The following ZSCAN20 variants were observed in gnomAD, a reference collection of about 807,000 sequenced individuals.
ZSCAN20 encodes zinc finger and SCAN domain-containing protein 20.
Under a neutral mutation model 97.1 loss-of-function variants are expected in ZSCAN20, and 39 were observed. The observed-to-expected ratio is 0.40, with a 90% confidence interval of 0.31 to 0.52. ZSCAN20 has a LOEUF of 0.52. ZSCAN20 is among the 20% of genes least tolerant of loss of function. The pLI, the probability that ZSCAN20 is intolerant of heterozygous loss-of-function variation, is 0.49. For synonymous variants in ZSCAN20, 456 were observed against 467.3 expected (o/e 0.98, Z 0.31); for missense variants, 1,115 against 1,290.4 (o/e 0.86, Z 2.08).
chr1:33,490,857 GTCGTGTTACCTCTTC>G (rs1017758815), intron 5 of ZSCAN20, among the ~76,000 whole-genome samples, 153 bp from the exon 6 acceptor site: 3 of 152,080 alleles, frequency 2.0e-5, no homozygotes, highest in African/African-American at 7.2e-5. Context: ...TCATATATTG[GTCGTGTTACCTCTTC>G]TCTCTCCCTA....
chr1:33,495,063 G>A lies in ZSCAN20; in HGVS notation c.2719G>A (p.Glu907Lys), dbSNP rs34415949. The change falls in exon 8 of 8, where the codon GAA becomes AAA. Residue 907 changes from glutamate to lysine, a missense_variant. By Grantham distance (56) the Glu-to-Lys change is moderately conservative. Transcript: ENST00000684572. ...GGGAGAGAAACCATATGAATGTGCC[G>A]AATGTGGGAAAAGCTTCAGTAAGAG... ...HTGEKPYECA[E>K]CGKSFSKSST... 1.5e-3 allele frequency: 2,437 copies of A among 1,612,342 alleles called. 31 individuals carry two copies. The African/African-American group carries it at 0.027, about 18-fold the overall frequency.
At chr1:33,479,726 C>G (rs752578503) in intron 2 of ZSCAN20, 21 bp downstream of exon 2, 1 of 1,485,188 alleles carries the variant, frequency 6.7e-7, no homozygotes, top group Admixed American at 2.6e-5. Flanking sequence ...CAGTCTTCTC[C>G]TGCAGAGGAG....
At chr1:33,482,383 G>A (rs557276118) in intron 2 of ZSCAN20, among the ~76,000 whole-genome samples, 33 of 152,262 alleles carry the variant, frequency 2.2e-4, no homozygotes, top group African/African-American at 7.2e-4. Context: ...TTTCCTCCAC[G>A]TCTTTTCATG....
chr1:33,475,825 A>ATTTTTTT (rs10542814), intron 1 of ZSCAN20, among the ~76,000 whole-genome samples: 1 of 141,630 alleles, frequency 7.1e-6, no homozygotes, highest in African/African-American at 2.6e-5. Context: ...ACGCTTGGCT[A>ATTTTTTT]TTTTTTTTTT....
chr1:33,497,190 C>T lies in ZSCAN20; in HGVS notation c.*1714C>T, dbSNP rs945327139. Among the ~76,000 whole-genome samples, 64 of 152,192 alleles carry T rather than the reference C, an allele frequency of 4.2e-4. No homozygotes were observed. Among genetic ancestry groups the T allele is most frequent in the Non-Finnish European group, 7.6e-4 (52 of 68,032 alleles). On this transcript the variant is annotated 3_prime_UTR_variant, in exon 8 of 8. Coordinates refer to ENST00000684572, the MANE Select transcript of ZSCAN20 (RefSeq NM_001377376.1). ...CTACTCCCACAGAGTGATATCCCTT[C>T]TTAACCCCTTCCCCTGCTTCAGAAC...
rs948239649 is a variant in ZSCAN20, at chr1:33,501,627, A to G, written c.*6151A>G. Among the ~76,000 whole-genome samples the G allele has an allele frequency of 2.7e-5, 4 of 150,030 alleles. No individual in the cohort carries two copies. Among genetic ancestry groups the G allele is most frequent in the Admixed American group, 2.0e-4 (3 of 15,006 alleles). On this transcript the variant is annotated 3_prime_UTR_variant, in exon 8 of 8. Transcript: ENST00000684572. ...ATGGCCTGATAAGTTAATAAATTAT[A>G]TTAAACTGCCAAAAAAGGAATGTGT...
Position 33,479,672 on chromosome 1 carries a change from T to C in ZSCAN20, c.384T>C (p.Asp128=), listed in dbSNP as rs374243394. The stretch of plus-strand genomic sequence containing the variant: ...AGGAGGCTGTGGCCTTGGTGGAGGA[T>C]TGGCACCGAGAGACCAGGACTGCAG... The part of the protein sequence containing the change: ...SGEEAVALVE[D]WHRETRTAGQ... Residue 128 remains aspartate, a synonymous_variant, in exon 2 of 8, where the codon GAT becomes GAC. Transcript: ENST00000684572. 2.7e-5 allele frequency: 43 copies of C among 1,588,212 alleles called. No homozygotes were observed. Among genetic ancestry groups the C allele is most frequent in the Non-Finnish European group, 3.2e-5 (38 of 1,170,012 alleles).
Position 33,479,394 on chromosome 1 carries a change from C to T in ZSCAN20, c.106C>T (p.Leu36Phe). The change falls in exon 2 of 8, where the codon CTC (leucine) becomes TTC (phenylalanine). Residue 36 changes from leucine to phenylalanine, a missense_variant. Transcript: ENST00000684572. ...EEDSWGSESK[L>F]WEKDRGSVSG... ...GGACTCTTGGGGATCAGAATCCAAA[C>T]TCTGGGAGAAGGACCGTGGCTCTGT... The T allele has an allele frequency of 1.9e-6, 3 of 1,614,236 alleles. No homozygotes were observed. The highest frequency in any genetic ancestry group is 2.5e-6 in the Non-Finnish European group (3 of 1,180,034).
chr1:33,490,774 T>G (rs555906716), intron 5 of ZSCAN20, among the ~76,000 whole-genome samples: 1 of 152,188 alleles, frequency 6.6e-6, no homozygotes, highest in Non-Finnish European at 1.5e-5. Flanking sequence ...GTTACTCTTA[T>G]ATGATGTTTC....
Position 33,493,718 on chromosome 1 carries a change from G to C in ZSCAN20, c.1873+103G>C. The C allele has an allele frequency of 8.0e-7, 1 of 1,247,366 alleles. No individual in the cohort carries two copies. The highest frequency in any genetic ancestry group is 1.5e-5 in the African/African-American group (1 of 66,954). The allele number at this position is 1,247,366 out of a possible 1,614,324, so 77.3% of individuals were successfully genotyped here. A position where few individuals can be genotyped will look rare whatever the true frequency, so the allele number is the denominator to read the frequency against. ...TGTCTCTTAACTAAAAGAGAGAATGGGATTGAATGGGAAAAAGTATTTCTG... is the reference window on the plus strand; with the variant it reads ...TGTCTCTTAACTAAAAGAGAGAATGCGATTGAATGGGAAAAAGTATTTCTG... On this transcript the variant is annotated intron_variant, in intron 7 of 7. Coordinates refer to ENST00000684572, the MANE Select transcript of ZSCAN20 (RefSeq NM_001377376.1). This position sits in a 1 kb window ranked among gnomAD's most constrained non-coding sequence, Gnocchi z 4.3.
In ZSCAN20 at chr1:33,495,867, C is replaced by T. The variant is rs1652844724; in HGVS notation, c.*391C>T. On this transcript the variant is annotated 3_prime_UTR_variant, in exon 8 of 8. Coordinates refer to ENST00000684572, the MANE Select transcript of ZSCAN20 (RefSeq NM_001377376.1). ...AATCCACCCCATCAGCAGTGGTTCT[C>T]CTACTTTCTCAGTGGGGGCATATCC... The T allele has an allele frequency of 6.3e-6, 1 of 158,222 alleles. No homozygotes were observed. Among genetic ancestry groups the T allele is most frequent in the African/African-American group, 2.4e-5 (1 of 41,618 alleles). The allele number at this position is 158,222 out of a possible 1,614,324, so 9.8% of individuals were successfully genotyped here.
Position 33,493,499 on chromosome 1 carries a change from G to C in ZSCAN20, c.1757G>C (p.Gly586Ala). The change falls in exon 7 of 8, where the codon GGT becomes GCT. Residue 586 changes from glycine (G) to alanine (A), a missense_variant. Transcript: ENST00000684572. This position sits in a 1 kb window ranked among gnomAD's most constrained non-coding sequence, Gnocchi z 4.3. ...RAMGTVREAA[G>A]LPRCGQSSAE... is the part of the protein sequence containing the mutation. ...ATGGGGACTGTCCGAGAGGCTGCAGGTCTCCCTAGGTGTGGGCAGAGTAGT... is the reference window on the plus strand; with the variant it reads ...ATGGGGACTGTCCGAGAGGCTGCAGCTCTCCCTAGGTGTGGGCAGAGTAGT... 1 of 1,614,178 alleles carries C rather than the reference G, an allele frequency of 6.2e-7. No homozygotes were observed. The highest frequency in any genetic ancestry group is 8.5e-7 in the Non-Finnish European group (1 of 1,180,028).
At position 33,500,579 on chromosome 1, in the gene ZSCAN20, T is replaced by G. The variant is rs192197287; in HGVS notation, c.*5103T>G. Among the ~76,000 whole-genome samples, 1 of 152,078 alleles carries G rather than the reference T, an allele frequency of 6.6e-6. No individual in the cohort carries two copies. Among genetic ancestry groups the G allele is most frequent in the East Asian group, 1.9e-4 (1 of 5,174 alleles). ...AGTCACATAGACATTGATTTTCTAATGAGGGCGCTGTTGGTGATTCTTTTT... is the reference window on the plus strand; with the variant it reads ...AGTCACATAGACATTGATTTTCTAAGGAGGGCGCTGTTGGTGATTCTTTTT... On this transcript the variant is annotated 3_prime_UTR_variant, in exon 8 of 8. Transcript: ENST00000684572.
chr1:33,494,385 T>C lies in ZSCAN20; in HGVS notation c.2041T>C (p.Ser681Pro). 1 of 1,614,128 alleles carries C rather than the reference T, an allele frequency of 6.2e-7. No homozygotes were observed. Among genetic ancestry groups the C allele is most frequent in the East Asian group, 2.2e-5 (1 of 44,886 alleles). The part of the protein sequence containing the change: ...NEDEGQWGNP[S>P]QEQWQESSSE... ...AGATGAAGGGCAGTGGGGAAATCCC[T>C]CACAGGAACAGTGGCAAGAAAGTTC... Residue 681 changes from serine (S) to proline (P), a missense_variant, in exon 8 of 8, where the codon TCA becomes CCA. Physicochemically the swap from Ser to Pro is moderately conservative, Grantham distance 74. Transcript: ENST00000684572.
At position 33,498,068 on chromosome 1, in the gene ZSCAN20, G is replaced by A. The variant is rs1386728836; in HGVS notation, c.*2592G>A. The stretch of plus-strand genomic sequence containing the variant: ...CAGAGCTACTTGATAGTGCTGAATG[G>A]AGAGGAAGATGGCCCTCAAAGGAGA... On this transcript the variant is annotated 3_prime_UTR_variant, in exon 8 of 8. Transcript: ENST00000684572. 6.6e-6 allele frequency among the ~76,000 whole-genome samples: 1 copy of A among 152,160 alleles called. No individual in the cohort carries two copies. Among genetic ancestry groups the A allele is most frequent in the Non-Finnish European group, 1.5e-5 (1 of 68,034 alleles).
At chr1:33,490,102 C>T (rs900160615) in intron 5 of ZSCAN20, among the ~76,000 whole-genome samples, 7 of 152,174 alleles carry the variant, frequency 4.6e-5, no homozygotes, top group Admixed American at 2.6e-4. Flanking sequence ...CCCTGTGGAG[C>T]CCGGGATCAC....
intron 3 of ZSCAN20, among the ~76,000 whole-genome samples, 156 bp from the exon 4 acceptor site, chr1:33,488,959 C>T (rs1037218001): frequency 3.3e-5 from 5 of 152,140 alleles, no homozygotes; most frequent in Non-Finnish European, 5.9e-5. Context: ...AGCTTAGGAG[C>T]TACACACTCT....
Position 33,494,292 on chromosome 1 carries a change from T to G in ZSCAN20, c.1948T>G (p.Ser650Ala). The change falls in exon 8 of 8, where the codon TCA becomes GCA. Residue 650 changes from serine (S) to alanine (A), a missense_variant. Ser to Ala is a moderately conservative substitution (Grantham distance 99). Coordinates refer to ENST00000684572, the MANE Select transcript of ZSCAN20 (RefSeq NM_001377376.1). Reference protein sequence around the residue: ...DIFEGLPGALSKCPTEAVCQP... With the variant: ...DIFEGLPGALAKCPTEAVCQP... Reference sequence around the variant, plus strand: ...TTTTGAGGGTTTGCCTGGAGCCTTATCAAAATGTCCTACAGAAGCTGTTTG... The same window carrying G: ...TTTTGAGGGTTTGCCTGGAGCCTTAGCAAAATGTCCTACAGAAGCTGTTTG... The G allele has an allele frequency of 6.2e-7, 1 of 1,613,382 alleles. No homozygotes were observed. The highest frequency in any genetic ancestry group is 8.5e-7 in the Non-Finnish European group (1 of 1,179,682).
Position 33,493,406 on chromosome 1 carries a change from CA to C in ZSCAN20, c.1665del (p.Pro556GlnfsTer13). The C allele has an allele frequency of 6.2e-7, 1 of 1,614,210 alleles. No individual in the cohort carries two copies. The highest frequency in any genetic ancestry group is 8.5e-7 in the Non-Finnish European group (1 of 1,180,034). On this transcript the variant is annotated frameshift_variant, in exon 7 of 8. Coordinates refer to ENST00000684572, the MANE Select transcript of ZSCAN20 (RefSeq NM_001377376.1). LOFTEE classifies it high-confidence loss of function. This position sits in a 1 kb window ranked among gnomAD's most constrained non-coding sequence, Gnocchi z 4.3. ...TACCGGAAAGCCAAGAGCAGCCACC[CA>C]CCAGGGACATGCCCTTTCTATGAGG... ...RSYRKAKSSHPPGTCPFYEEL... is the reference protein window; with the variant it reads ...RSYRKAKSSHXPGTCPFYEEL...
Sources: gnomAD v4.1 joint callset for allele counts (sites outside exome capture counted in the v4.1 genomes callset) on GRCh38, gnomAD v4.1.1 for gene constraint, Gnocchi (gnomAD v3.1) non-coding constraint, MANE v1.5 for transcripts, NCBI Gene and HGNC (gene_info 2026-07-23, HGNC 2026-07-21) for gene names.